Variants in FAR2 observed in about 807,000 individuals in gnomAD.
The protein encoded by FAR2 is epididymis secretory protein Li 81.
A neutral mutation model predicts 56.0 loss-of-function variants in FAR2; 19 were observed. That is an observed-to-expected ratio of 0.34 (90% CI 0.24 to 0.50). The LOEUF is 0.50. Ranked by LOEUF, FAR2 falls within the 20% of genes least tolerant of loss-of-function variation. The pLI, the probability that FAR2 is intolerant of heterozygous loss-of-function variation, is 0.98. For synonymous variants in FAR2, 219 were observed against 218.8 expected (o/e 1.00, Z -0.01); for missense variants, 508 against 642.2 (o/e 0.79, Z 2.26).
chr12:29,195,884 C>G (rs192004026), intron 1 of FAR2, among the ~76,000 whole-genome samples: 13 of 152,200 alleles, frequency 8.5e-5, no homozygotes, highest in African/African-American at 3.1e-4. Context: ...TCCCCATTGT[C>G]TATCATTCCA....
chr12:29,260,521 G>A (rs1160070628), intron 1 of FAR2, among the ~76,000 whole-genome samples: 1 of 152,168 alleles, frequency 6.6e-6, no homozygotes, highest in African/African-American at 2.4e-5. Context: ...CTGGGCCTTA[G>A]GTGAGATTCA....
intron 2 of FAR2, among the ~76,000 whole-genome samples, chr12:29,284,220 T>G (rs1459837998): frequency 1.3e-5 from 2 of 152,250 alleles, no homozygotes; most frequent in Non-Finnish European, 2.9e-5. Flanking sequence ...CTGAAAAATG[T>G]ATCATTGAGA....
intron 8 of FAR2, 57 bp downstream of exon 8, chr12:29,312,007 T>C (rs1949360628): frequency 1.5e-6 from 2 of 1,314,678 alleles, no homozygotes; most frequent in Non-Finnish European, 2.2e-6. Context: ...AGAGAAAAAG[T>C]TGACAAAGTG....
intron 1 of FAR2, among the ~76,000 whole-genome samples, chr12:29,167,607 G>A (rs73073762): frequency 1.5e-3 from 226 of 152,162 alleles, no homozygotes; most frequent in Non-Finnish European, 2.5e-3. Flanking sequence ...CAATTGTTAC[G>A]TCATTATCCT....
intron 1 of FAR2, among the ~76,000 whole-genome samples, chr12:29,170,525 ACT>A (rs1451566591): frequency 2.0e-5 from 3 of 152,106 alleles, no homozygotes; most frequent in African/African-American, 4.8e-5. Flanking sequence ...AATAGGATAC[ACT>A]GTGTTTTCTT....
chr12:29,326,292 G>A (rs1457756691), intron 10 of FAR2, among the ~76,000 whole-genome samples: 1 of 152,218 alleles, frequency 6.6e-6, no homozygotes, highest in African/African-American at 2.4e-5. Flanking sequence ...TCCAGGACCA[G>A]ATGGATTCAC....
rs1949304092 is a variant in FAR2 at position 29,309,103 on chromosome 12, T to C, written c.724-83T>C. The C allele has an allele frequency of 1.3e-5, 12 of 956,480 alleles. No homozygotes were observed. In the South Asian group the frequency reaches 1.5e-4, roughly 12 times the overall value. 59.2% of individuals were successfully genotyped at this position (956,480 alleles called of 1,614,324 possible). On this transcript the variant is annotated intron_variant, in intron 5 of 11. Coordinates refer to ENST00000536681, the MANE Select transcript of FAR2 (RefSeq NM_001271783.2). ...GGGATCTCAGTGCTCTTGTTTGAAA[T>C]TTATTAAGATTAGACTGCAGATGTT...
At chr12:29,161,924 T>C (rs1350534243) in intron 1 of FAR2, among the ~76,000 whole-genome samples, 1 of 48,816 alleles carries the variant, frequency 2.0e-5, no homozygotes, top group African/African-American at 6.6e-5. Flanking sequence ...TTGGATATCT[T>C]CTCTTGTGAT....
At chr12:29,306,197 T>C (rs1195432547) in intron 4 of FAR2, among the ~76,000 whole-genome samples, 1 of 152,146 alleles carries the variant, frequency 6.6e-6, no homozygotes, top group Non-Finnish European at 1.5e-5. Context: ...GGTGACCATA[T>C]AATTAAAATA....
chr12:29,293,067 A>G (rs1948998398), intron 2 of FAR2: 1 of 318,810 alleles, frequency 3.1e-6, no homozygotes, highest in South Asian at 8.7e-5. Context: ...GGTTTTTACC[A>G]TGTTGCGCAG....
intron 1 of FAR2, among the ~76,000 whole-genome samples, chr12:29,208,230 C>T (rs1947499122): frequency 6.6e-6 from 1 of 152,180 alleles, no homozygotes; most frequent in Non-Finnish European, 1.5e-5. Context: ...TCCTGCTGCC[C>T]TTCTTCCTCT....
At chr12:29,229,202 CA>C (rs1209290858) in intron 1 of FAR2, among the ~76,000 whole-genome samples, 1 of 152,086 alleles carries the variant, frequency 6.6e-6, no homozygotes, top group Non-Finnish European at 1.5e-5. Flanking sequence ...GATAAAGAAA[CA>C]ACATAAGATA....
intron 1 of FAR2, among the ~76,000 whole-genome samples, chr12:29,154,457 CAG>C (rs1334173658): frequency 5.1e-4 from 76 of 148,248 alleles, no homozygotes; most frequent in African/African-American, 1.9e-3. Context: ...TTTTTTGAGA[CAG>C]AGTCTCTCTC....
At chr12:29,293,161 C>G in intron 2 of FAR2, 139 bp from the exon 3 acceptor site, 1 of 667,014 alleles carries the variant, frequency 1.5e-6, no homozygotes, top group Non-Finnish European at 2.3e-6. Context: ...GCCACCATGC[C>G]CAGCCAGATG....
chr12:29,199,625 GAAAC>G (rs1415786162), intron 1 of FAR2, among the ~76,000 whole-genome samples: 27 of 132,274 alleles, frequency 2.0e-4, no homozygotes, highest in African/African-American at 6.7e-4. Flanking sequence ...AGAAAGAAAA[GAAAC>G]AAACAAACAA....
At position 29,316,848 on chromosome 12, in the gene FAR2, A is replaced by C. The variant is rs1444263547; in HGVS notation, c.963A>C (p.Gln321His). Residue 321 changes from glutamine to histidine, a missense_variant, in exon 9 of 12, where the codon CAA becomes CAC. By Grantham distance (24) the Gln-to-His change is conservative. Coordinates refer to ENST00000536681, the MANE Select transcript of FAR2 (RefSeq NM_001271783.2). ...ACTTTCTTTTTTCCCCAGGAGTCCA[A>C]GTCTTGGCAACCTTTGAAAAAATCC... is the stretch of plus-strand genomic sequence containing the variant. ...NPCNWHKMGVQVLATFEKIPF... is the reference protein window; with the variant it reads ...NPCNWHKMGVHVLATFEKIPF... 1.2e-6 allele frequency: 2 copies of C among 1,614,034 alleles called. No individual in the cohort carries two copies. Among genetic ancestry groups the C allele is most frequent in the East Asian group, 2.2e-5 (1 of 44,866 alleles).
In FAR2 at chr12:29,232,711, A is replaced by G. The variant is rs1452131428; in HGVS notation, c.-38-37701A>G. 2.0e-5 allele frequency among the ~76,000 whole-genome samples: 3 copies of G among 151,986 alleles called. No individual in the cohort carries two copies. In the East Asian group the frequency reaches 5.8e-4, roughly 29 times the overall value. ...CAACATCATGGTTATTTCTCTGTATAGTCTTTCATAGTTTTGGCACCTGAG... is the reference window on the plus strand; with the variant it reads ...CAACATCATGGTTATTTCTCTGTATGGTCTTTCATAGTTTTGGCACCTGAG... On this transcript the variant is annotated intron_variant, in intron 1 of 11. Coordinates refer to ENST00000536681, the MANE Select transcript of FAR2 (RefSeq NM_001271783.2).
At chr12:29,253,521 A>T (rs927298910) in intron 1 of FAR2, among the ~76,000 whole-genome samples, 1 of 152,026 alleles carries the variant, frequency 6.6e-6, no homozygotes, top group Non-Finnish European at 1.5e-5. Flanking sequence ...AACTAATACA[A>T]TGATAATCTA....
At chr12:29,259,112 A>G (rs550022473) in intron 1 of FAR2, among the ~76,000 whole-genome samples, 1 of 152,346 alleles carries the variant, frequency 6.6e-6, no homozygotes, top group South Asian at 2.1e-4. Flanking sequence ...TGCTGGTATG[A>G]AATGAAAATT....
Sources: gnomAD v4.1 joint callset for allele counts (sites outside exome capture counted in the v4.1 genomes callset) on GRCh38, gnomAD v4.1.1 for gene constraint, MANE v1.5 for transcripts, NCBI Gene and HGNC (gene_info 2026-07-23, HGNC 2026-07-21) for gene names.